COBLL1: variants seen among roughly 807,000 people sequenced by gnomAD.
COBLL1 encodes the protein cordon-bleu protein-like 1.
Under a neutral mutation model 94.8 loss-of-function variants are expected in COBLL1, and 50 were observed. That is an observed-to-expected ratio of 0.53 (90% CI 0.42 to 0.67). The LOEUF (loss-of-function observed/expected upper bound fraction) is 0.67, where lower values mean the gene tolerates loss of function less well. Among genes scored for constraint, COBLL1 ranks in the 30% least tolerant of loss-of-function variants. COBLL1 has a pLI of 0.00. For missense variants in COBLL1, 1,362 were observed against 1,348.7 expected (o/e 1.01, Z -0.15); for synonymous variants, 448 against 473.8 (o/e 0.95, Z 0.71).
rs1479296258 is a variant in COBLL1, at chr2:164,803,609, A to AATAAAATAAAAT, written c.41+37546_41+37547insATTTTATTTTAT. On this transcript the variant is annotated intron_variant, in intron 2 of 13. Coordinates refer to ENST00000652658, the MANE Select transcript of COBLL1 (RefSeq NM_001365672.2). ...AATAAAATAAAATAAAATAAAATAA[A>AATAAAATAAAAT]AAGCAAAGTTTGACAAAACTAGCAT... is the stretch of plus-strand genomic sequence containing the variant. 2.5e-4 allele frequency among the ~76,000 whole-genome samples: 38 copies of AATAAAATAAAAT among 151,886 alleles called. 1 individual carries two copies. The highest frequency in any genetic ancestry group is 2.4e-3 in the Admixed American group (36 of 15,238).
At chr2:164,730,260 C>A in intron 3 of COBLL1, 145 bp from the exon 4 acceptor site, 1 of 710,592 alleles carries the variant, frequency 1.4e-6, no homozygotes, top group South Asian at 1.9e-5. Flanking sequence ...CAGGCCAAGG[C>A]AGGAGGACTG....
chr2:164,700,454 C>A (rs1390176728), intron 10 of COBLL1, 68 bp downstream of exon 10: 1 of 931,078 alleles, frequency 1.1e-6, no homozygotes, highest in Non-Finnish European at 1.7e-6. Flanking sequence ...AATATCAGAT[C>A]TATATTTCAG....
chr2:164,795,023 C>T (rs756476414), intron 2 of COBLL1, among the ~76,000 whole-genome samples: 12 of 152,166 alleles, frequency 7.9e-5, no homozygotes, highest in Non-Finnish European at 1.6e-4. Context: ...TCACAATGAC[C>T]ATTCTTCACT....
At chr2:164,770,074 G>A (rs1408030910) in intron 2 of COBLL1, among the ~76,000 whole-genome samples, 3 of 152,162 alleles carry the variant, frequency 2.0e-5, no homozygotes, top group Non-Finnish European at 4.4e-5. Context: ...ACAACACTGT[G>A]AGTTGTTGTT....
chr2:164,694,258 G>C lies in COBLL1; in HGVS notation c.3123+11C>G. On this transcript the variant is annotated intron_variant, in intron 12 of 13. Transcript: ENST00000652658. ...AATTTGAATACTTATTTTTAAAAAGGCTACAGTTACCTTATCAGACACACC... is the reference window on the plus strand; with the variant it reads ...AATTTGAATACTTATTTTTAAAAAGCCTACAGTTACCTTATCAGACACACC... 6.2e-7 allele frequency: 1 copy of C among 1,603,220 alleles called. No homozygotes were observed. Among genetic ancestry groups the C allele is most frequent in the African/African-American group, 1.3e-5 (1 of 74,350 alleles).
intron 2 of COBLL1, among the ~76,000 whole-genome samples, chr2:164,800,117 A>G (rs932817574): frequency 6.6e-6 from 1 of 152,230 alleles, no homozygotes; most frequent in African/African-American, 2.4e-5. Context: ...CTAAAAATAC[A>G]CAATTAAGAG....
At position 164,683,041 on chromosome 2, in the gene COBLL1, A is replaced by AC. The variant is rs1683115688; in HGVS notation, c.*2904_*2905insG. ...ACACACACACACACACACACACACA[A>AC]AAGCCCCCAACAAACCTGCACACAT... On this transcript the variant is annotated 3_prime_UTR_variant, in exon 14 of 14. Coordinates refer to ENST00000652658, the MANE Select transcript of COBLL1 (RefSeq NM_001365672.2). 7 of 132,676 alleles carry AC rather than the reference A, an allele frequency of 5.3e-5. No individual in the cohort carries two copies. The highest frequency in any genetic ancestry group is 1.8e-4 in the African/African-American group (6 of 33,542). 8.2% of individuals were successfully genotyped at this position (132,676 alleles called of 1,614,324 possible). A position where few individuals can be genotyped will look rare whatever the true frequency, so the allele number is the denominator to read the frequency against.
Position 164,754,125 on chromosome 2 carries a change from T to C in COBLL1, c.42-10250A>G, listed in dbSNP as rs140550322. Among the ~76,000 whole-genome samples, 676 of 152,294 alleles carry C rather than the reference T, an allele frequency of 4.4e-3. 3 individuals are homozygous for C. Among genetic ancestry groups the C allele is most frequent in the African/African-American group, 0.015 (622 of 41,570 alleles). On this transcript the variant is annotated intron_variant, in intron 2 of 13. Transcript: ENST00000652658. ...ATAACATCTGAGTTGAGAAGTGCTA[T>C]AAGTGTAAAATACACACTATATTCC...
intron 1 of COBLL1, among the ~76,000 whole-genome samples, chr2:164,671,768 A>G (rs561995337): frequency 6.6e-6 from 1 of 151,612 alleles, no homozygotes; most frequent in East Asian, 1.9e-4. Flanking sequence ...ATTTACTTGG[A>G]ATGGCTTAGG....
intron 2 of COBLL1, among the ~76,000 whole-genome samples, chr2:164,776,323 C>T (rs902501769): frequency 4.6e-5 from 7 of 152,036 alleles, no homozygotes; most frequent in Non-Finnish European, 1.0e-4. Context: ...CTATCTAGTT[C>T]TCATGGCCCC....
chr2:164,798,533 G>T (rs1683590530), intron 2 of COBLL1, among the ~76,000 whole-genome samples: 1 of 152,194 alleles, frequency 6.6e-6, no homozygotes, highest in Admixed American at 6.5e-5. Flanking sequence ...TCATAAATAA[G>T]AGCTGAGTAT....
chr2:164,694,851 ATTGT>A lies in COBLL1; in HGVS notation c.2537_2540del (p.Asn846IlefsTer34), dbSNP rs1243825154. On this transcript the variant is annotated frameshift_variant, in exon 12 of 14. Transcript: ENST00000652658. LOFTEE classifies it high-confidence loss of function. Reference sequence around the variant, plus strand: ...GAGATTTAAATTTTGATTCCAAAATATTGTTTATTTCTTCCAAATTTGGTGCAAA... The same window carrying A: ...GAGATTTAAATTTTGATTCCAAAATATTATTTCTTCCAAATTTGGTGCAAA... 6.2e-7 allele frequency: 1 copy of A among 1,613,858 alleles called. No homozygotes were observed. Among genetic ancestry groups the A allele is most frequent in the Admixed American group, 1.7e-5 (1 of 59,956 alleles).
At chr2:164,672,662 G>A (rs1406996233) in intron 1 of COBLL1, among the ~76,000 whole-genome samples, 3 of 139,988 alleles carry the variant, frequency 2.1e-5, no homozygotes, top group Admixed American at 7.5e-5. Flanking sequence ...TTGCGCCACT[G>A]CAGTCCGCAG....
chr2:164,739,145 T>G (rs1054018657), intron 3 of COBLL1, among the ~76,000 whole-genome samples: 1 of 152,122 alleles, frequency 6.6e-6, no homozygotes, highest in Non-Finnish European at 1.5e-5. Context: ...TGGTGACTTT[T>G]GGTCATTAAA....
chr2:164,729,867 C>G, intron 4 of COBLL1, 47 bp downstream of exon 4: 1 of 1,474,690 alleles, frequency 6.8e-7, no homozygotes, highest in Non-Finnish European at 9.5e-7. Flanking sequence ...CAATGAGCTG[C>G]TGATAATGAC....
At chr2:164,746,700 C>T (rs982039944) in intron 2 of COBLL1, among the ~76,000 whole-genome samples, 1 of 151,898 alleles carries the variant, frequency 6.6e-6, no homozygotes, top group Non-Finnish European at 1.5e-5. Flanking sequence ...ATCAAACCAT[C>T]GCAAGCAGGA....
In COBLL1 at chr2:164,841,803, C is replaced by T. The variant is rs1292518905; in HGVS notation, c.-144G>A. The T allele has an allele frequency of 6.7e-6, 4 of 595,948 alleles. No individual in the cohort carries two copies. The highest frequency in any genetic ancestry group is 8.5e-6 in the Non-Finnish European group (3 of 351,578). The allele number at this position is 595,948 out of a possible 1,614,324, so 36.9% of individuals were successfully genotyped here. On this transcript the variant is annotated 5_prime_UTR_variant, in exon 1 of 14. Coordinates refer to ENST00000652658, the MANE Select transcript of COBLL1 (RefSeq NM_001365672.2). The surrounding 1 kb of genome is among the most constrained non-coding windows in gnomAD (Gnocchi z 5.5). ...CCCGGCCCGCGCTCTTGCCGCTCGGCTCTCAAGCCAGGACTTGAATGGAGA... is the reference window on the plus strand; with the variant it reads ...CCCGGCCCGCGCTCTTGCCGCTCGGTTCTCAAGCCAGGACTTGAATGGAGA...
chr2:164,775,877 C>T (rs558956387), intron 2 of COBLL1, among the ~76,000 whole-genome samples: 24 of 152,228 alleles, frequency 1.6e-4, no homozygotes, highest in African/African-American at 4.3e-4. Flanking sequence ...ATTTTAAAAT[C>T]TCTTGGCTGC....
intron 7 of COBLL1, among the ~76,000 whole-genome samples, chr2:164,718,763 A>C (rs1685302248): frequency 6.6e-6 from 1 of 152,198 alleles, no homozygotes; most frequent in Non-Finnish European, 1.5e-5. Context: ...CATGAATCTG[A>C]TAAAAGAATG....
Sources: allele counts gnomAD v4.1 joint callset (sites outside exome capture counted in the v4.1 genomes callset), GRCh38; gene constraint gnomAD v4.1.1; non-coding constraint Gnocchi (gnomAD v3.1); transcripts MANE v1.5; gene names NCBI Gene and HGNC (gene_info 2026-07-23, HGNC 2026-07-21).